The following SLC14A2 variants were observed in gnomAD, a reference collection of about 807,000 sequenced individuals.
SLC14A2 encodes urea transporter 2.
A neutral mutation model predicts 104.6 loss-of-function variants in SLC14A2; 91 were observed. That is an observed-to-expected ratio of 0.87 (90% CI 0.73 to 1.04). The LOEUF (loss-of-function observed/expected upper bound fraction) is 1.04. SLC14A2 is among the 50% of genes least tolerant of loss of function. The pLI, the probability that SLC14A2 is intolerant of heterozygous loss-of-function variation, is 0.00. For synonymous variants in SLC14A2, 476 were observed against 466.4 expected (o/e 1.02, Z -0.27); for missense variants, 1,189 against 1,156.0 (o/e 1.03, Z -0.41).
At chr18:45,519,207 A>G (rs1023551546) in intron 2 of SLC14A2, among the ~76,000 whole-genome samples, 2 of 152,248 alleles carry the variant, frequency 1.3e-5, no homozygotes, top group Admixed American at 6.5e-5. Context: ...TCCTTAGGGA[A>G]GCACTGCAGA....
At chr18:45,490,600 A>C (rs529660323) in intron 2 of SLC14A2, among the ~76,000 whole-genome samples, 24 of 152,326 alleles carry the variant, frequency 1.6e-4, no homozygotes, top group African/African-American at 5.5e-4. Flanking sequence ...AATAAATTTG[A>C]CTATGTTAAA....
chr18:45,197,637 G>A, the SLC14A2 span, among the ~76,000 whole-genome samples: 1 of 152,296 alleles, frequency 6.6e-6, no homozygotes, highest in African/African-American at 2.4e-5. Flanking sequence ...CCACTGATGG[G>A]TTTATAATGA....
chr18:45,410,701 A>G lies in SLC14A2; in HGVS notation c.-124-72532A>G, dbSNP rs562918392. Among the ~76,000 whole-genome samples the G allele has an allele frequency of 5.9e-5, 9 of 152,284 alleles. No individual in the cohort carries two copies. In the East Asian group the frequency reaches 1.5e-3, roughly 26 times the overall value. ...TCCCTAAAATGTATTTGTGACCCCC[A>G]AATCAATAATCCAGTGTTTCCACAG... On this transcript the variant is annotated intron_variant, in intron 1 of 20. Coordinates refer to the SLC14A2 transcript ENST00000586448.
intron 1 of SLC14A2, among the ~76,000 whole-genome samples, chr18:45,440,974 T>A (rs1448471169): frequency 2.6e-5 from 4 of 152,082 alleles, no homozygotes; most frequent in African/African-American, 9.7e-5. Flanking sequence ...TGTTCGTGCT[T>A]CATTGTGTTT....
intron 1 of SLC14A2, among the ~76,000 whole-genome samples, chr18:45,246,483 A>G (rs1020213253): frequency 4.6e-5 from 7 of 152,338 alleles, no homozygotes; most frequent in Non-Finnish European, 5.9e-5. Context: ...AGTATCTTAC[A>G]GTGATGTTAA....
At chr18:45,656,751 A>C (rs2045844457) in intron 10 of SLC14A2, among the ~76,000 whole-genome samples, 1 of 152,206 alleles carries the variant, frequency 6.6e-6, no homozygotes, top group South Asian at 2.1e-4. Flanking sequence ...GCATCAACTT[A>C]TTTATGCTAA....
intron 1 of SLC14A2, among the ~76,000 whole-genome samples, chr18:45,228,350 G>A (rs1249838453): frequency 6.6e-6 from 1 of 152,160 alleles, no homozygotes; most frequent in African/African-American, 2.4e-5. Flanking sequence ...TGTTACCACA[G>A]GCTTAGGGGT....
chr18:45,236,047 GTGTATATATACATATATGTGTGTA>G, intron 1 of SLC14A2, among the ~76,000 whole-genome samples: 2 of 37,626 alleles, frequency 5.3e-5, no homozygotes, highest in Non-Finnish European at 8.5e-5. Context: ...GTGTATATAT[GTGTATATATACATATATGTGTGTA>G]TATATGTGTA....
intron 1 of SLC14A2, among the ~76,000 whole-genome samples, chr18:45,312,213 G>C (rs2085085813): frequency 6.6e-6 from 1 of 152,144 alleles, no homozygotes; most frequent in African/African-American, 2.4e-5. Flanking sequence ...ACTTAACGTG[G>C]TGTTTTTCTC....
In SLC14A2 at chr18:45,324,713, C is replaced by T. The variant is rs180803362; in HGVS notation, c.-125+111522C>T. On this transcript the variant is annotated intron_variant, in intron 1 of 20. Coordinates refer to the SLC14A2 transcript ENST00000586448. ...TTTAAATGCTATGAATGTTTTATCT[C>T]CTGACCCTCACCTCCATAACATTCC... Among the ~76,000 whole-genome samples, 263 of 152,182 alleles carry T rather than the reference C, an allele frequency of 1.7e-3. No individual in the cohort carries two copies. The Middle Eastern group carries it at 0.02, about 12-fold the overall frequency.
At chr18:45,513,150 G>T (rs2043391198) in intron 2 of SLC14A2, among the ~76,000 whole-genome samples, 1 of 152,126 alleles carries the variant, frequency 6.6e-6, no homozygotes, top group Non-Finnish European at 1.5e-5. Flanking sequence ...CCAGCTTTTA[G>T]CAAACACTTG....
intron 1 of SLC14A2, among the ~76,000 whole-genome samples, chr18:45,287,863 G>T (rs576121110): frequency 6.6e-6 from 1 of 151,586 alleles, no homozygotes; most frequent in Non-Finnish European, 1.5e-5. Context: ...CCCCAGCCCC[G>T]CAGGACCTAC....
At chr18:45,213,722 C>A (rs931873823) in intron 1 of SLC14A2, among the ~76,000 whole-genome samples, 2 of 152,098 alleles carry the variant, frequency 1.3e-5, no homozygotes, top group African/African-American at 2.4e-5. Flanking sequence ...CTATTAAAAA[C>A]CAGTCAAATC....
chr18:45,277,817 G>T (rs2084718794), intron 1 of SLC14A2, among the ~76,000 whole-genome samples: 1 of 152,210 alleles, frequency 6.6e-6, no homozygotes, highest in South Asian at 2.1e-4. Context: ...ACAAAAATGT[G>T]CAGAGAACAA....
rs574928176 is a variant in SLC14A2, at chr18:45,431,573, C to T, written c.-124-51660C>T. Among the ~76,000 whole-genome samples, 37 of 152,286 alleles carry T rather than the reference C, an allele frequency of 2.4e-4. No individual in the cohort carries two copies. The South Asian group carries it at 7.7e-3, about 32-fold the overall frequency. ...GACAGTCACCTAGCAAAGAATAGCA[C>T]TTTAGGGGACACTGGGCAGGGGGAC... On this transcript the variant is annotated intron_variant, in intron 1 of 20. Transcript: ENST00000586448.
At chr18:45,622,583 G>A (rs2045191032) in intron 1 of SLC14A2, among the ~76,000 whole-genome samples, 1 of 152,208 alleles carries the variant, frequency 6.6e-6, no homozygotes. Flanking sequence ...CGTCACCTGG[G>A]TAGGAGCACC....
chr18:45,640,669 T>A (rs556239932), intron 7 of SLC14A2, among the ~76,000 whole-genome samples: 1 of 150,144 alleles, frequency 6.7e-6, no homozygotes, highest in African/African-American at 2.4e-5. Flanking sequence ...AAAAAGTATT[T>A]TTTATTTGGA....
chr18:45,539,894 T>TAAAAA (rs531647287), intron 2 of SLC14A2, among the ~76,000 whole-genome samples: 1 of 135,722 alleles, frequency 7.4e-6, no homozygotes, highest in Non-Finnish European at 1.6e-5. Context: ...ATGAAAAGAG[T>TAAAAA]AAAAAAAAAA....
Position 45,637,227 on chromosome 18 carries a change from G to T in SLC14A2, c.843+45G>T, listed in dbSNP as rs111245023. On this transcript the variant is annotated intron_variant, in intron 6 of 19. Coordinates refer to ENST00000255226, the MANE Select transcript of SLC14A2 (RefSeq NM_007163.4). ...TGAGTTGAGACCCCCATATTCCACTGCAGACCTTCTCGCCAACCAATTTGT... is the reference window on the plus strand; with the variant it reads ...TGAGTTGAGACCCCCATATTCCACTTCAGACCTTCTCGCCAACCAATTTGT... The T allele has an allele frequency of 9.1e-4, 1,382 of 1,522,144 alleles. 12 individuals are homozygous for T. The African/African-American group carries it at 0.017, about 19-fold the overall frequency. 94.3% of individuals were successfully genotyped at this position (1,522,144 alleles called of 1,614,324 possible).
Sources: allele counts gnomAD v4.1 joint callset (sites outside exome capture counted in the v4.1 genomes callset), GRCh38; gene constraint gnomAD v4.1.1; transcripts MANE v1.5; gene names NCBI Gene and HGNC (gene_info 2026-07-23, HGNC 2026-07-21).